The following PLCB4 variants were observed in gnomAD, a reference collection of about 807,000 sequenced individuals.
The protein encoded by PLCB4 is 1-phosphatidylinositol 4,5-bisphosphate phosphodiesterase beta-4.
PLCB4 carries 77 observed loss-of-function variants against 178.8 expected under a neutral mutation model. The ratio of observed to expected loss-of-function variants is 0.43; its 90% CI spans 0.36 to 0.52. The LOEUF (loss-of-function observed/expected upper bound fraction) is 0.52. Ranked by LOEUF, PLCB4 falls within the 20% of genes least tolerant of loss-of-function variation. PLCB4 has a pLI of 0.00. For synonymous variants in PLCB4, 496 were observed against 490.8 expected (o/e 1.01, Z -0.14); for missense variants, 1,024 against 1,453.4 (o/e 0.70, Z 4.80).
chr20:9,408,301 GCTT>G (rs1229970099), intron 22 of PLCB4, among the ~76,000 whole-genome samples: 2 of 152,158 alleles, frequency 1.3e-5, no homozygotes, highest in African/African-American at 4.8e-5. Flanking sequence ...TGGGCATGTA[GCTT>G]CTTCTGTTCC....
At chr20:9,081,068 A>G (rs929461119) in intron 1 of PLCB4, among the ~76,000 whole-genome samples, 2 of 152,134 alleles carry the variant, frequency 1.3e-5, no homozygotes, top group Admixed American at 1.3e-4. Flanking sequence ...TCTCTTTCTT[A>G]TCTGTGCCTC....
chr20:9,178,882 A>G (rs2093198788), intron 2 of PLCB4, among the ~76,000 whole-genome samples: 1 of 152,156 alleles, frequency 6.6e-6, no homozygotes, highest in Non-Finnish European at 1.5e-5. Context: ...ATAAAACATA[A>G]ATGTTAAGTG....
intron 1 of PLCB4, among the ~76,000 whole-genome samples, chr20:9,072,136 TA>T (rs1225919979): frequency 7.2e-5 from 11 of 152,336 alleles, no homozygotes; most frequent in African/African-American, 2.6e-4. Context: ...GGGAAATAAA[TA>T]CAGCTTTTCA....
intron 3 of PLCB4, among the ~76,000 whole-genome samples, chr20:9,273,166 G>A (rs541197952): frequency 1.3e-5 from 2 of 152,186 alleles, no homozygotes; most frequent in Admixed American, 6.5e-5. Context: ...TTTGCAAAGC[G>A]TACAATCAAG....
At chr20:9,374,424 C>A (rs1790773608) in intron 12 of PLCB4, among the ~76,000 whole-genome samples, 2 of 152,088 alleles carry the variant, frequency 1.3e-5, no homozygotes, top group South Asian at 4.1e-4. Context: ...TTCTTTAACC[C>A]CTTCCCCTTC....
chr20:9,127,197 C>T lies in PLCB4; in HGVS notation c.-79+30855C>T, dbSNP rs368973944. 5.9e-5 allele frequency among the ~76,000 whole-genome samples: 9 copies of T among 152,106 alleles called. No individual in the cohort carries two copies. The East Asian group carries it at 9.7e-4, about 16-fold the overall frequency. ...AACTCTAAGGTGTGCACAAATCACC[C>T]GAGTATCTTGTTAAAATGCAGCTTC... On this transcript the variant is annotated intron_variant, in intron 2 of 39. Transcript: ENST00000378473.
intron 3 of PLCB4, among the ~76,000 whole-genome samples, chr20:9,246,703 TA>T (rs1021562299): frequency 5.3e-5 from 8 of 152,178 alleles, no homozygotes; most frequent in African/African-American, 1.9e-4. Context: ...ATAAAGGAGT[TA>T]AAAAAGGGAA....
intron 19 of PLCB4, among the ~76,000 whole-genome samples, chr20:9,399,575 A>G (rs1168403162): frequency 6.6e-6 from 1 of 152,246 alleles, no homozygotes; most frequent in East Asian, 1.9e-4. Flanking sequence ...GGCTGGATTT[A>G]GATTCAGAAG....
At chr20:9,282,226 C>G (rs2094500561) in intron 3 of PLCB4, among the ~76,000 whole-genome samples, 1 of 152,010 alleles carries the variant, frequency 6.6e-6, no homozygotes, top group South Asian at 2.1e-4. Flanking sequence ...CAAAGATTCT[C>G]TAATCATCTG....
At chr20:9,342,104 A>T (rs56088411) in intron 7 of PLCB4, among the ~76,000 whole-genome samples, 10,149 of 152,104 alleles carry the variant, frequency 0.067, 362 homozygotes, top group Middle Eastern at 0.095. Context: ...CCCCTTCCTT[A>T]TCTCAAAACT....
At chr20:9,310,408 A>T (rs1435755653) in intron 4 of PLCB4, among the ~76,000 whole-genome samples, 1 of 152,158 alleles carries the variant, frequency 6.6e-6, no homozygotes, top group Non-Finnish European at 1.5e-5. Context: ...ATTGTATTCC[A>T]TGTATTTGTT....
At chr20:9,307,078 C>T (rs2094775946) in intron 3 of PLCB4, among the ~76,000 whole-genome samples, 1 of 152,102 alleles carries the variant, frequency 6.6e-6, no homozygotes, top group African/African-American at 2.4e-5. Flanking sequence ...CCACTGGAAT[C>T]CCAAGTTCCA....
rs765830065 is a variant in PLCB4, at chr20:9,411,099, T to C, written c.2051+11T>C. On this transcript the variant is annotated intron_variant, in intron 25 of 39. Coordinates refer to ENST00000378473, the MANE Select transcript of PLCB4 (RefSeq NM_001377142.1). ...TAATGGATCGTGCGGGTGAGTAATA[T>C]GATTTAAACTGTTTTCACCTAGATT... 1 of 1,584,564 alleles carries C rather than the reference T, an allele frequency of 6.3e-7. No individual in the cohort carries two copies. Among genetic ancestry groups the C allele is most frequent in the Admixed American group, 1.7e-5 (1 of 59,880 alleles).
chr20:9,309,020 T>C (rs901952001), intron 4 of PLCB4, among the ~76,000 whole-genome samples: 3 of 152,200 alleles, frequency 2.0e-5, no homozygotes, highest in African/African-American at 4.8e-5. Flanking sequence ...TTTCTTTTTT[T>C]TCTCTCTCCC....
At chr20:9,391,274 A>G (rs144888487) in intron 17 of PLCB4, among the ~76,000 whole-genome samples, 110 of 152,240 alleles carry the variant, frequency 7.2e-4, no homozygotes, top group Non-Finnish European at 1.3e-3. Flanking sequence ...ATTGCATGCA[A>G]TTTTTTTGTA....
At chr20:9,334,805 A>G (rs1331698135) in intron 4 of PLCB4, among the ~76,000 whole-genome samples, 1 of 152,114 alleles carries the variant, frequency 6.6e-6, no homozygotes, top group Non-Finnish European at 1.5e-5. Context: ...GGAGAACTGT[A>G]GAGCTAGGGG....
At chr20:9,336,343 T>C (rs1401489443) in intron 4 of PLCB4, among the ~76,000 whole-genome samples, 3 of 152,208 alleles carry the variant, frequency 2.0e-5, no homozygotes, top group African/African-American at 7.2e-5. Flanking sequence ...AAGAAGTCAG[T>C]TGGCAAGTGT....
intron 28 of PLCB4, among the ~76,000 whole-genome samples, chr20:9,425,395 T>C (rs1385878950): frequency 6.6e-6 from 1 of 152,214 alleles, no homozygotes; most frequent in African/African-American, 2.4e-5. Flanking sequence ...TGGGTTAACT[T>C]CCCACTGAAA....
chr20:9,307,237 G>A (rs147365356), intron 3 of PLCB4, among the ~76,000 whole-genome samples: 87 of 152,172 alleles, frequency 5.7e-4, no homozygotes, highest in African/African-American at 1.9e-3. Context: ...TGTTCCCCAC[G>A]TGGCCCAAGG....
Sources: allele counts gnomAD v4.1 joint callset (sites outside exome capture counted in the v4.1 genomes callset), GRCh38; gene constraint gnomAD v4.1.1; transcripts MANE v1.5; gene names NCBI Gene and HGNC (gene_info 2026-07-23, HGNC 2026-07-21).